Variants in MAN1A2 observed in about 807,000 individuals in gnomAD.
The protein encoded by MAN1A2 is mannosyl-oligosaccharide 1,2-alpha-mannosidase IB.
A neutral mutation model predicts 75.7 loss-of-function variants in MAN1A2; 26 were observed. The observed-to-expected ratio is 0.34, with a 90% CI of 0.25 to 0.48. The LOEUF is 0.48. MAN1A2 is among the 20% of genes least tolerant of loss of function. The pLI is 0.99. For missense variants in MAN1A2, 562 were observed against 775.5 expected (o/e 0.72, Z 3.27); for synonymous variants, 247 against 264.6 (o/e 0.93, Z 0.65).
chr1:117,373,531 G>C (rs577886035), intron 1 of MAN1A2, among the ~76,000 whole-genome samples: 1 of 146,890 alleles, frequency 6.8e-6, no homozygotes, highest in African/African-American at 2.5e-5. Context: ...AGGCTGGAGT[G>C]CAGTGGCACA....
At chr1:117,443,099 C>G (rs911057690) in intron 6 of MAN1A2, among the ~76,000 whole-genome samples, 1 of 151,620 alleles carries the variant, frequency 6.6e-6, no homozygotes, top group Non-Finnish European at 1.5e-5. Context: ...TGGAAATTAC[C>G]TAAAAATTTG....
At chr1:117,458,576 T>G (rs540477061) in intron 6 of MAN1A2, among the ~76,000 whole-genome samples, 1 of 146,360 alleles carries the variant, frequency 6.8e-6, no homozygotes, top group South Asian at 2.2e-4. Flanking sequence ...CAAACTAGAA[T>G]GCAATGGCGC....
At position 117,368,163 on chromosome 1, in the gene MAN1A2, T is replaced by A. The variant is rs540603735; in HGVS notation, c.-21T>A. 1 of 1,576,558 alleles carries A rather than the reference T, an allele frequency of 6.3e-7. No homozygotes were observed. Among genetic ancestry groups the A allele is most frequent in the Admixed American group, 1.9e-5 (1 of 51,458 alleles). Reference sequence around the variant, plus strand: ...CATAAGATGAGAACTTTCTAAAGTATTCTCTCCAAGAGCGTAAACGATGAC... The same window carrying A: ...CATAAGATGAGAACTTTCTAAAGTAATCTCTCCAAGAGCGTAAACGATGAC... On this transcript the variant is annotated 5_prime_UTR_variant, in exon 1 of 13. Coordinates refer to ENST00000356554, the MANE Select transcript of MAN1A2 (RefSeq NM_006699.5).
chr1:117,509,126 C>G (rs1290549), intron 12 of MAN1A2, among the ~76,000 whole-genome samples: 30,759 of 150,056 alleles, frequency 0.2, 3,734 homozygotes, highest in East Asian at 0.4. Context: ...TAAAAAACAT[C>G]TGTACAAAAA....
intron 12 of MAN1A2, among the ~76,000 whole-genome samples, chr1:117,518,877 A>T (rs1372653896): frequency 6.6e-6 from 1 of 152,128 alleles, no homozygotes; most frequent in Non-Finnish European, 1.5e-5. Flanking sequence ...ATAACCGCAG[A>T]ATACACATTC....
In MAN1A2 at chr1:117,514,337, G is replaced by T. The variant is rs1464026604; in HGVS notation, c.1794-8488G>T. The stretch of plus-strand genomic sequence containing the variant: ...AAGATCATGCCACTGCACTCCAGCT[G>T]GGGGACACAGCAAGACTCCATCTCA... On this transcript the variant is annotated intron_variant, in intron 12 of 12. Transcript: ENST00000356554. 2.2e-4 allele frequency among the ~76,000 whole-genome samples: 32 copies of T among 148,604 alleles called. No individual in the cohort carries two copies. In the Admixed American group the frequency reaches 2.2e-3, roughly 10 times the overall value.
At chr1:117,458,231 T>TA (rs1289042634) in intron 6 of MAN1A2, among the ~76,000 whole-genome samples, 1 of 151,922 alleles carries the variant, frequency 6.6e-6, no homozygotes, top group Non-Finnish European at 1.5e-5. Context: ...AGTAAACACT[T>TA]ACATTTGTGA....
intron 4 of MAN1A2, among the ~76,000 whole-genome samples, chr1:117,418,257 G>A (rs190872583): frequency 2.6e-5 from 4 of 152,216 alleles, no homozygotes; most frequent in Admixed American, 2.0e-4. Context: ...TCTTTTTTGT[G>A]TTTGTGTTCT....
At chr1:117,451,670 T>G (rs1649422687) in intron 6 of MAN1A2, among the ~76,000 whole-genome samples, 1 of 152,208 alleles carries the variant, frequency 6.6e-6, no homozygotes, top group African/African-American at 2.4e-5. Flanking sequence ...AGGGGAGTTT[T>G]GTTACACAAG....
rs140227031 is a variant in MAN1A2 at position 117,411,989 on chromosome 1, G to A, written c.656-2724G>A. ...TTGCTCACAAATGAGATCAGGTGTA[G>A]TTGTATGTTTCTTAGTAAATTCGAT... is the stretch of plus-strand genomic sequence containing the variant. On this transcript the variant is annotated intron_variant, in intron 3 of 12. Coordinates refer to ENST00000356554, the MANE Select transcript of MAN1A2 (RefSeq NM_006699.5). Among the ~76,000 whole-genome samples, 1,475 of 151,854 alleles carry A rather than the reference G, an allele frequency of 9.7e-3. 25 individuals are homozygous for A. Among genetic ancestry groups the A allele is most frequent in the Middle Eastern group, 0.02 (6 of 294 alleles).
intron 9 of MAN1A2, 55 bp from the exon 10 acceptor site, chr1:117,496,708 G>A: frequency 7.8e-7 from 1 of 1,287,926 alleles, no homozygotes. Flanking sequence ...GATATAGTAA[G>A]TTTGAACACT....
rs572246492 is a variant in MAN1A2 at position 117,445,765 on chromosome 1, G to GAT, written c.950+3441_950+3442dup. 3.8e-4 allele frequency among the ~76,000 whole-genome samples: 58 copies of GAT among 151,030 alleles called. No homozygotes were observed. In the East Asian group the frequency reaches 0.011, roughly 28 times the overall value. On this transcript the variant is annotated intron_variant, in intron 6 of 12. Transcript: ENST00000356554. The stretch of plus-strand genomic sequence containing the variant: ...TGGTCCCAAACTCCCGAGCTCAAGT[G>GAT]ATCCTCCCTCCTTGGCCTCCCAAGG...
chr1:117,422,641 G>T (rs1570730510), intron 5 of MAN1A2, among the ~76,000 whole-genome samples: 2 of 152,128 alleles, frequency 1.3e-5, no homozygotes, highest in East Asian at 3.9e-4. Context: ...GTATCTCATT[G>T]TGGTGGTTCT....
At chr1:117,409,682 T>C (rs899975604) in intron 3 of MAN1A2, among the ~76,000 whole-genome samples, 1 of 152,042 alleles carries the variant, frequency 6.6e-6, no homozygotes, top group South Asian at 2.1e-4. Context: ...TCAACTCTTA[T>C]TTTGGACTTC....
intron 12 of MAN1A2, among the ~76,000 whole-genome samples, chr1:117,520,175 A>G (rs1651830034): frequency 6.6e-6 from 1 of 152,222 alleles, no homozygotes; most frequent in Non-Finnish European, 1.5e-5. Context: ...GACATACCTC[A>G]ATGTAATAAA....
intron 11 of MAN1A2, among the ~76,000 whole-genome samples, chr1:117,501,209 C>T (rs994609618): frequency 1.3e-5 from 2 of 151,722 alleles, no homozygotes; most frequent in African/African-American, 4.8e-5. Flanking sequence ...TAGAATTTTG[C>T]TTTTGTAGCC....
At chr1:117,460,441 G>A in intron 6 of MAN1A2, 48 bp from the exon 7 acceptor site, 1 of 1,364,174 alleles carries the variant, frequency 7.3e-7, no homozygotes, top group South Asian at 1.3e-5. Context: ...CGAATGTTTT[G>A]GTCTTTTCCC....
rs773602339 is a variant in MAN1A2, at chr1:117,493,280, A to G, written c.1284+18A>G. The G allele has an allele frequency of 7.4e-6, 11 of 1,478,290 alleles. No individual in the cohort carries two copies. Among genetic ancestry groups the G allele is most frequent in the Middle Eastern group, 3.5e-4 (2 of 5,796 alleles). The allele number at this position is 1,478,290 out of a possible 1,614,324, so 91.6% of individuals were successfully genotyped here. A position where few individuals can be genotyped will look rare whatever the true frequency, so the allele number is the denominator to read the frequency against. ...CTATTGAGGTGATTATTTCCAGAAC[A>G]TTTTTCTACTTAATGGATTGAATGT... On this transcript the variant is annotated intron_variant, in intron 9 of 12. Coordinates refer to ENST00000356554, the MANE Select transcript of MAN1A2 (RefSeq NM_006699.5).
At chr1:117,377,889 A>G (rs746423944) in intron 1 of MAN1A2, among the ~76,000 whole-genome samples, 1 of 152,140 alleles carries the variant, frequency 6.6e-6, no homozygotes, top group African/African-American at 2.4e-5. Context: ...TCACGAGGTC[A>G]GGTGATTGAG....
Sources: allele counts gnomAD v4.1 joint callset (sites outside exome capture counted in the v4.1 genomes callset), GRCh38; gene constraint gnomAD v4.1.1; transcripts MANE v1.5; gene names NCBI Gene and HGNC (gene_info 2026-07-23, HGNC 2026-07-21).